Variants in FCHSD2 observed in about 807,000 individuals in gnomAD.
The protein encoded by FCHSD2 is FCH and double SH3 domains 2, also known as F-BAR and double SH3 domains protein 2.
In FCHSD2, 38 loss-of-function variants were observed where a neutral mutation model predicts 108.1. That is an observed-to-expected ratio of 0.35 (90% CI 0.27 to 0.46). FCHSD2 has a LOEUF of 0.46. FCHSD2 is among the 20% of genes least tolerant of loss of function. The pLI is 1.00. For synonymous variants in FCHSD2, 279 were observed against 314.7 expected, an observed-to-expected ratio of 0.89 and a Z score of 1.20; for missense variants, 751 against 897.8, an observed-to-expected ratio of 0.84 and a Z score of 2.09.
At chr11:73,138,633 G>A (rs550276611) in intron 2 of FCHSD2, among the ~76,000 whole-genome samples, 257 of 143,038 alleles carry the variant, frequency 1.8e-3, no homozygotes, top group Non-Finnish European at 2.7e-3. Context: ...TTTTGAGACA[G>A]GGTCTCACTC....
chr11:72,958,855 T>C (rs774708536), intron 8 of FCHSD2, among the ~76,000 whole-genome samples: 5 of 152,228 alleles, frequency 3.3e-5, no homozygotes, highest in Admixed American at 2.6e-4. Flanking sequence ...TCTTGTTTCA[T>C]AAAAGGACAT....
At chr11:73,099,784 C>T (rs1021439327) in intron 2 of FCHSD2, among the ~76,000 whole-genome samples, 18 of 152,282 alleles carry the variant, frequency 1.2e-4, no homozygotes, top group South Asian at 4.1e-4. Flanking sequence ...ACTGCTCCAG[C>T]GGGGCTGTGG....
At chr11:72,864,182 G>A (rs1044360268) in intron 13 of FCHSD2, among the ~76,000 whole-genome samples, 6 of 152,214 alleles carry the variant, frequency 3.9e-5, no homozygotes, top group Non-Finnish European at 8.8e-5. Flanking sequence ...GGGAAGTGAT[G>A]TTAACATTGT....
chr11:73,099,474 A>G (rs1328972618), intron 2 of FCHSD2, among the ~76,000 whole-genome samples: 1 of 152,248 alleles, frequency 6.6e-6, no homozygotes, highest in Admixed American at 6.5e-5. Flanking sequence ...AACAAATGCT[A>G]AACAAAAATT....
intron 8 of FCHSD2, among the ~76,000 whole-genome samples, chr11:72,967,137 T>C (rs1856923540): frequency 6.6e-6 from 1 of 151,694 alleles, no homozygotes; most frequent in South Asian, 2.1e-4. Context: ...GAGGCAGAGC[T>C]TGCAGTGAGC....
At chr11:73,008,317 C>G (rs1433156737) in intron 4 of FCHSD2, among the ~76,000 whole-genome samples, 2 of 151,720 alleles carry the variant, frequency 1.3e-5, no homozygotes, top group African/African-American at 4.8e-5. Flanking sequence ...CCAGCCTGGG[C>G]GACAGACCGA....
At chr11:72,862,375 A>G (rs1373270735) in intron 13 of FCHSD2, among the ~76,000 whole-genome samples, 1 of 152,210 alleles carries the variant, frequency 6.6e-6, no homozygotes, top group Non-Finnish European at 1.5e-5. Context: ...ACTAGAACTA[A>G]TAAGTGAGTT....
chr11:72,860,909 T>C (rs1861556715), intron 13 of FCHSD2, among the ~76,000 whole-genome samples: 1 of 151,792 alleles, frequency 6.6e-6, no homozygotes, highest in South Asian at 2.1e-4. Context: ...CCTAAAGCAA[T>C]ACTTACAGGG....
At chr11:73,066,243 G>A (rs1163435156) in intron 3 of FCHSD2, among the ~76,000 whole-genome samples, 2 of 152,102 alleles carry the variant, frequency 1.3e-5, no homozygotes, top group Admixed American at 6.6e-5. Context: ...AACAAGCAAT[G>A]GGGAAAAGAT....
intron 2 of FCHSD2, among the ~76,000 whole-genome samples, chr11:73,115,607 G>C (rs1408573004): frequency 6.6e-6 from 1 of 152,228 alleles, no homozygotes; most frequent in East Asian, 1.9e-4. Context: ...ACACGAGAGA[G>C]AAGGCAGATA....
At chr11:72,899,483 T>C (rs942924865) in intron 10 of FCHSD2, among the ~76,000 whole-genome samples, 13 of 151,878 alleles carry the variant, frequency 8.6e-5, no homozygotes, top group Admixed American at 6.6e-4. Flanking sequence ...AGCCAGACAA[T>C]AATACATGTC....
At chr11:73,120,304 G>A (rs1026847386) in intron 2 of FCHSD2, among the ~76,000 whole-genome samples, 3 of 152,152 alleles carry the variant, frequency 2.0e-5, no homozygotes, top group Non-Finnish European at 4.4e-5. Flanking sequence ...TGGTCTTTAT[G>A]TAAACAAAGG....
intron 8 of FCHSD2, chr11:72,940,381 T>C (rs979346215): frequency 4.3e-6 from 2 of 469,618 alleles, no homozygotes; most frequent in Non-Finnish European, 7.5e-6. Context: ...AGTTACCAAA[T>C]ATTGTTTTAA....
intron 11 of FCHSD2, among the ~76,000 whole-genome samples, chr11:72,887,971 A>T (rs1171388992): frequency 6.6e-6 from 1 of 152,260 alleles, no homozygotes. Flanking sequence ...TGAGATAGTG[A>T]AAAGAAGATG....
intron 3 of FCHSD2, among the ~76,000 whole-genome samples, chr11:73,061,533 G>C (rs1028151856): frequency 4.6e-5 from 7 of 152,166 alleles, no homozygotes; most frequent in Admixed American, 4.6e-4. Context: ...CCACCCCCAC[G>C]GAGCCCAGCA....
Position 72,869,363 on chromosome 11 carries a change from T to C in FCHSD2, c.1147-1337A>G, listed in dbSNP as rs182417969. ...CTTCCCTGGCACAGATGCTAATTTT[T>C]CACTTGAAGCAGGGCAAGAGAAGGG... On this transcript the variant is annotated intron_variant, in intron 12 of 19. Coordinates refer to ENST00000409418, the MANE Select transcript of FCHSD2 (RefSeq NM_014824.3). Among the ~76,000 whole-genome samples, 471 of 150,182 alleles carry C rather than the reference T, an allele frequency of 3.1e-3. 5 individuals carry two copies. The highest frequency in any genetic ancestry group is 0.011 in the African/African-American group (447 of 40,738).
At chr11:73,083,357 C>T (rs1338998031) in intron 3 of FCHSD2, among the ~76,000 whole-genome samples, 12 of 151,850 alleles carry the variant, frequency 7.9e-5, no homozygotes, top group African/African-American at 2.9e-4. Context: ...GAGACCATCC[C>T]GGCCAACATG....
At chr11:72,884,524 CAT>C (rs949127409) in intron 12 of FCHSD2, among the ~76,000 whole-genome samples, 15 of 146,964 alleles carry the variant, frequency 1.0e-4, no homozygotes, top group African/African-American at 3.7e-4. Context: ...TATAATCATA[CAT>C]AGTTTATATA....
At chr11:72,939,705 G>A (rs796519589) in intron 8 of FCHSD2, among the ~76,000 whole-genome samples, 61 of 121,116 alleles carry the variant, frequency 5.0e-4, no homozygotes, top group African/African-American at 1.8e-3. Context: ...TGCAACCCCC[G>A]CCTCCCGGGT....
Sources: gnomAD v4.1 joint callset for allele counts (sites outside exome capture counted in the v4.1 genomes callset) on GRCh38, gnomAD v4.1.1 for gene constraint, MANE v1.5 for transcripts, NCBI Gene and HGNC (gene_info 2026-07-23, HGNC 2026-07-21) for gene names.